Variants in CFI observed in about 807,000 individuals in gnomAD.
The protein encoded by CFI is C3B/C4B inactivator.
CFI carries 66 observed loss-of-function variants against 78.8 expected under a neutral mutation model. The ratio of observed to expected loss-of-function variants is 0.84; its 90% CI spans 0.69 to 1.03. The LOEUF (loss-of-function observed/expected upper bound fraction) is 1.03, where lower values mean the gene tolerates loss of function less well. Among genes scored for constraint, CFI ranks in the 50% least tolerant of loss-of-function variants. The pLI is 0.00. For synonymous variants in CFI, 250 were observed against 232.6 expected (o/e 1.07, Z -0.68); for missense variants, 706 against 704.5 (o/e 1.00, Z -0.02).
intron 1 of CFI, among the ~76,000 whole-genome samples, chr4:109,792,864 GC>G (rs1487169364): frequency 1.3e-5 from 2 of 152,114 alleles, no homozygotes; most frequent in Admixed American, 1.3e-4. Context: ...CCTAAAGGCA[GC>G]CTCTTTAGAC....
rs1723781303 is a variant in CFI, at chr4:109,741,454, A to G, written c.1535-344T>C. 3 of 608,918 alleles carry G rather than the reference A, an allele frequency of 4.9e-6. No individual in the cohort carries two copies. In the South Asian group the frequency reaches 2.2e-4, roughly 44 times the overall value. 37.7% of individuals were successfully genotyped at this position (608,918 alleles called of 1,614,324 possible). ...AGTGCTTACTGAGTGCTAAATATTT[A>G]TTAGTCATTCATTGTCTTCATTCTT... On this transcript the variant is annotated intron_variant, in intron 12 of 12. Coordinates refer to ENST00000394634, the MANE Select transcript of CFI (RefSeq NM_000204.5).
At chr4:109,744,712 T>C (rs1211920385) in intron 11 of CFI, among the ~76,000 whole-genome samples, 1 of 152,150 alleles carries the variant, frequency 6.6e-6, no homozygotes, top group Non-Finnish European at 1.5e-5. Context: ...CCTACGTATA[T>C]CTTTGTAATG....
intron 2 of CFI, among the ~76,000 whole-genome samples, chr4:109,764,926 C>T (rs1727545957): frequency 6.6e-6 from 1 of 152,092 alleles, no homozygotes; most frequent in Non-Finnish European, 1.5e-5. Context: ...AGGATAAAGC[C>T]TATTTATTCC....
intron 3 of CFI, among the ~76,000 whole-genome samples, chr4:109,763,203 T>C (rs1362321951): frequency 6.6e-6 from 1 of 152,160 alleles, no homozygotes; most frequent in Admixed American, 6.5e-5. Context: ...ACTTCTGGGA[T>C]ATAGAAAAAT....
intron 12 of CFI, 129 bp downstream of exon 12, chr4:109,742,362 G>A: frequency 1.4e-6 from 1 of 710,126 alleles, no homozygotes; most frequent in Non-Finnish European, 2.6e-6. Flanking sequence ...GAGTTTGAGA[G>A]TGCTACAGCC....
intron 1 of CFI, among the ~76,000 whole-genome samples, chr4:109,776,256 C>T (rs1729221341): frequency 6.6e-6 from 1 of 152,062 alleles, no homozygotes; most frequent in South Asian, 2.1e-4. Flanking sequence ...ACTAGAATAA[C>T]CAGTGTAGAG....
chr4:109,733,401 A>G, the CFI span, among the ~76,000 whole-genome samples: 1 of 152,256 alleles, frequency 6.6e-6, no homozygotes, highest in Non-Finnish European at 1.5e-5. Context: ...TTCATGACAG[A>G]CATCATTAGT....
At chr4:109,763,195 T>A (rs1727300874) in intron 3 of CFI, among the ~76,000 whole-genome samples, 1 of 152,136 alleles carries the variant, frequency 6.6e-6, no homozygotes, top group African/African-American at 2.4e-5. Context: ...AGTGATTAAC[T>A]TCTGGGATAT....
chr4:109,787,677 T>G (rs2125857955), intron 1 of CFI, among the ~76,000 whole-genome samples: 1 of 152,102 alleles, frequency 6.6e-6, no homozygotes, highest in African/African-American at 2.4e-5. Context: ...AAGATGACTG[T>G]ATGCTGTGGT....
chr4:109,800,356 G>A (rs1261806705), intron 1 of CFI, among the ~76,000 whole-genome samples: 1 of 121,308 alleles, frequency 8.2e-6, no homozygotes, highest in African/African-American at 3.4e-5. Context: ...TTTTGAGACA[G>A]GATCTTGCTG....
In CFI at chr4:109,759,595, A is replaced by C. The variant is rs867670364; in HGVS notation, c.883+675T>G. On this transcript the variant is annotated intron_variant, in intron 6 of 12. Transcript: ENST00000394634. ...ATATAAATGATGTGATATGATATCT[A>C]AAATTTACTTTAAAATACTGCAACA... 3.3e-5 allele frequency among the ~76,000 whole-genome samples: 5 copies of C among 152,294 alleles called. No individual in the cohort carries two copies. The Middle Eastern group carries it at 0.017, about 518-fold the overall frequency.
At chr4:109,789,827 C>T (rs914246835) in intron 1 of CFI, among the ~76,000 whole-genome samples, 7 of 152,100 alleles carry the variant, frequency 4.6e-5, no homozygotes, top group South Asian at 2.1e-4. Context: ...TTATTGGCCT[C>T]GCGGAATGCA....
intron 1 of CFI, among the ~76,000 whole-genome samples, chr4:109,790,471 T>C (rs951163783): frequency 6.6e-6 from 1 of 152,134 alleles, no homozygotes; most frequent in African/African-American, 2.4e-5. Flanking sequence ...GGTAAATTTG[T>C]GCAGGTTTGT....
chr4:109,731,183 A>C, the CFI span, among the ~76,000 whole-genome samples: 2 of 152,082 alleles, frequency 1.3e-5, no homozygotes, highest in Non-Finnish European at 1.5e-5. Flanking sequence ...CATCTCTACC[A>C]AAAATACAGA....
intron 2 of CFI, among the ~76,000 whole-genome samples, 171 bp from the exon 3 acceptor site, chr4:109,764,861 C>T (rs539211754): frequency 6.6e-5 from 10 of 152,192 alleles, no homozygotes; most frequent in East Asian, 1.9e-4. Flanking sequence ...TATGTGTCAG[C>T]GGCAGTGCTA....
chr4:109,757,420 C>T (rs143288452), intron 7 of CFI, among the ~76,000 whole-genome samples: 339 of 152,178 alleles, frequency 2.2e-3, no homozygotes, highest in African/African-American at 8.0e-3. Flanking sequence ...TAAGAAAATG[C>T]CTATCATGAA....
chr4:109,773,447 C>T (rs1728835734), intron 1 of CFI, among the ~76,000 whole-genome samples: 1 of 152,110 alleles, frequency 6.6e-6, no homozygotes, highest in South Asian at 2.1e-4. Flanking sequence ...ACCTGGGAGG[C>T]AGAGGTTGCA....
At chr4:109,747,813 C>T (rs1411426552) in intron 10 of CFI, among the ~76,000 whole-genome samples, 1 of 152,036 alleles carries the variant, frequency 6.6e-6, no homozygotes, top group East Asian at 1.9e-4. Flanking sequence ...GGATGATTTC[C>T]GGATGAAACG....
intron 8 of CFI, among the ~76,000 whole-genome samples, chr4:109,751,223 G>T (rs1032495068): frequency 3.3e-5 from 5 of 151,786 alleles, no homozygotes; most frequent in African/African-American, 9.7e-5. Flanking sequence ...ATAGAAGATG[G>T]TTTTTTTTGG....
Sources: allele counts gnomAD v4.1 joint callset (sites outside exome capture counted in the v4.1 genomes callset), GRCh38; gene constraint gnomAD v4.1.1; transcripts MANE v1.5; gene names NCBI Gene and HGNC (gene_info 2026-07-23, HGNC 2026-07-21).